Variants in EXOC6B observed in about 807,000 individuals in gnomAD.
EXOC6B encodes the protein SEC15 homolog B.
In EXOC6B, 54 loss-of-function variants were observed where a neutral mutation model predicts 113.5. The observed-to-expected ratio is 0.48, with a 90% CI of 0.38 to 0.60. The LOEUF is 0.60. Among genes scored for constraint, EXOC6B ranks in the 20% least tolerant of loss-of-function variants. EXOC6B has a pLI of 0.00. For missense variants in EXOC6B, 797 were observed against 977.5 expected (o/e 0.82, Z 2.46); for synonymous variants, 357 against 339.0 (o/e 1.05, Z -0.58).
At chr2:72,460,447 C>A (rs1232173415) in intron 18 of EXOC6B, among the ~76,000 whole-genome samples, 1 of 151,708 alleles carries the variant, frequency 6.6e-6, no homozygotes, top group East Asian at 1.9e-4. Context: ...AAAATTTTCG[C>A]AACCTACTCA....
intron 20 of EXOC6B, among the ~76,000 whole-genome samples, chr2:72,206,082 C>T (rs1264074646): frequency 1.3e-5 from 2 of 152,002 alleles, no homozygotes; most frequent in African/African-American, 4.8e-5. Context: ...GCCAGATGGG[C>T]CAGGTATATA....
intron 6 of EXOC6B, among the ~76,000 whole-genome samples, chr2:72,605,678 C>A (rs975499883): frequency 2.0e-5 from 3 of 152,188 alleles, no homozygotes; most frequent in African/African-American, 7.2e-5. Context: ...CATGTATATA[C>A]TAAGGACTGC....
chr2:72,305,709 T>C (rs902963576), intron 20 of EXOC6B, among the ~76,000 whole-genome samples: 18 of 152,168 alleles, frequency 1.2e-4, no homozygotes, highest in Admixed American at 3.3e-4. Context: ...TAAATAGTTA[T>C]ATAAAGTTTC....
rs952866334 is a variant in EXOC6B, at chr2:72,761,080, T to C, written c.114-19611A>G. Among the ~76,000 whole-genome samples the C allele has an allele frequency of 9.9e-5, 15 of 152,190 alleles. No homozygotes were observed. In the South Asian group the frequency reaches 3.1e-3, roughly 32 times the overall value. ...CTATTATCCCAGCTACTCAGGAGGC[T>C]GAGGCAGGAGAATCACTTGAACCCA... is the stretch of plus-strand genomic sequence containing the variant. On this transcript the variant is annotated intron_variant, in intron 1 of 21. Transcript: ENST00000272427.
intron 6 of EXOC6B, among the ~76,000 whole-genome samples, chr2:72,665,112 C>T (rs1258488535): frequency 1.3e-5 from 2 of 152,144 alleles, no homozygotes; most frequent in East Asian, 3.9e-4. Context: ...AGAGTGCACC[C>T]TGTTTGCCAG....
intron 20 of EXOC6B, among the ~76,000 whole-genome samples, chr2:72,328,411 C>CAA (rs59050216): frequency 3.2e-4 from 44 of 137,190 alleles, no homozygotes; most frequent in African/African-American, 8.8e-4. Flanking sequence ...GGCACCAATA[C>CAA]AAAAAAAAAA....
chr2:72,442,929 A>C (rs1696298177), intron 18 of EXOC6B, among the ~76,000 whole-genome samples: 2 of 152,254 alleles, frequency 1.3e-5, no homozygotes, highest in Admixed American at 1.3e-4. Flanking sequence ...CTGAATAGCC[A>C]AGGCAATCCT....
chr2:72,210,385 A>G (rs1298435664), intron 20 of EXOC6B, among the ~76,000 whole-genome samples: 1 of 152,234 alleles, frequency 6.6e-6, no homozygotes, highest in East Asian at 1.9e-4. Flanking sequence ...GAACACGTCA[A>G]TGTGAAGTAC....
At chr2:72,272,338 G>A (rs1201936211) in intron 20 of EXOC6B, among the ~76,000 whole-genome samples, 1 of 152,138 alleles carries the variant, frequency 6.6e-6, no homozygotes, top group Non-Finnish European at 1.5e-5. Flanking sequence ...CCTGTTTGGT[G>A]TGTACAGAAA....
intron 18 of EXOC6B, among the ~76,000 whole-genome samples, chr2:72,451,369 G>C (rs903950153): frequency 6.6e-6 from 1 of 152,100 alleles, no homozygotes; most frequent in African/African-American, 2.4e-5. Context: ...TAGTTATCAA[G>C]ATGAAGATTA....
intron 20 of EXOC6B, among the ~76,000 whole-genome samples, chr2:72,321,127 A>T (rs1687823124): frequency 6.6e-6 from 1 of 152,214 alleles, no homozygotes; most frequent in Non-Finnish European, 1.5e-5. Flanking sequence ...TATTGCTGGT[A>T]GGACTACAAA....
intron 20 of EXOC6B, among the ~76,000 whole-genome samples, chr2:72,332,916 T>TGA (rs1229369066): frequency 6.6e-6 from 1 of 152,080 alleles, no homozygotes; most frequent in Non-Finnish European, 1.5e-5. Context: ...CAGCACAGGA[T>TGA]GTGGAGAGAT....
chr2:72,246,653 G>A lies in EXOC6B; in HGVS notation c.2197-62466C>T, dbSNP rs141248901. On this transcript the variant is annotated intron_variant, in intron 20 of 21. Transcript: ENST00000272427. ...CTCCCGAGTAACTAGGACTACAGGC[G>A]CCCACCACCATGCAGGGTCTCACTG... Among the ~76,000 whole-genome samples, 205 of 151,712 alleles carry A rather than the reference G, an allele frequency of 1.4e-3. No homozygotes were observed. In the Middle Eastern group the frequency reaches 0.017, roughly 13 times the overall value.
chr2:72,450,547 C>G (rs1207347747), intron 18 of EXOC6B, among the ~76,000 whole-genome samples: 14 of 152,096 alleles, frequency 9.2e-5, no homozygotes, highest in Non-Finnish European at 1.9e-4. Flanking sequence ...TCATGAGATA[C>G]CCCTATGAAG....
chr2:72,365,232 A>G (rs560733856), intron 19 of EXOC6B, among the ~76,000 whole-genome samples: 44 of 152,010 alleles, frequency 2.9e-4, no homozygotes, highest in Non-Finnish European at 1.0e-4. Context: ...CAATGAATAG[A>G]TATTACTTTC....
At chr2:72,532,056 A>G (rs1247686356) in intron 8 of EXOC6B, among the ~76,000 whole-genome samples, 1 of 152,232 alleles carries the variant, frequency 6.6e-6, no homozygotes, top group Admixed American at 6.5e-5. Context: ...CAAAGCGGAA[A>G]CAGCCCAATG....
At chr2:72,411,801 T>A (rs1156517392) in intron 18 of EXOC6B, among the ~76,000 whole-genome samples, 2 of 152,020 alleles carry the variant, frequency 1.3e-5, no homozygotes, top group Non-Finnish European at 1.5e-5. Flanking sequence ...CCCGCAAAAA[T>A]GAGTTCATAA....
intron 20 of EXOC6B, among the ~76,000 whole-genome samples, chr2:72,330,306 G>C (rs779181911): frequency 5.9e-5 from 9 of 152,000 alleles, no homozygotes; most frequent in Non-Finnish European, 1.3e-4. Context: ...TTTCAGGGTA[G>C]CCTGTAAATA....
intron 17 of EXOC6B, among the ~76,000 whole-genome samples, chr2:72,470,333 T>C (rs1418351747): frequency 1.3e-5 from 2 of 152,194 alleles, no homozygotes; most frequent in Non-Finnish European, 2.9e-5. Context: ...TCTAATGTTT[T>C]TGAAGCTATT....
Sources: allele counts gnomAD v4.1 joint callset (sites outside exome capture counted in the v4.1 genomes callset), GRCh38; gene constraint gnomAD v4.1.1; transcripts MANE v1.5; gene names NCBI Gene and HGNC (gene_info 2026-07-23, HGNC 2026-07-21).